The following IGDCC3 variants were observed in gnomAD, a reference collection of about 807,000 sequenced individuals.
IGDCC3 encodes putative neuronal cell adhesion molecule.
Under a neutral mutation model 72.0 loss-of-function variants are expected in IGDCC3, and 47 were observed. The observed-to-expected ratio is 0.65, with a 90% CI of 0.52 to 0.83. IGDCC3 has a LOEUF of 0.83. Ranked by LOEUF, IGDCC3 falls within the 40% of genes least tolerant of loss-of-function variation. The pLI, the probability that IGDCC3 is intolerant of heterozygous loss-of-function variation, is 0.00. For synonymous variants in IGDCC3, 477 were observed against 472.8 expected (o/e 1.01, Z -0.11); for missense variants, 1,038 against 1,091.3 (o/e 0.95, Z 0.69).
At position 65,331,037 on chromosome 15, in the gene IGDCC3, A is replaced by G. The variant is rs1261204002; in HGVS notation, c.1561+13T>C. ...GAGTGCCTGTGGTTTTGTGCTCCAC[A>G]CCCAGGCCTCACCTTCACCCAGGGT... On this transcript the variant is annotated intron_variant, in intron 9 of 13. Transcript: ENST00000327987. The G allele has an allele frequency of 2.5e-6, 4 of 1,611,922 alleles. No individual in the cohort carries two copies. The South Asian group carries it at 4.4e-5, about 18-fold the overall frequency.
chr15:65,332,257 GC>G (rs142018689), intron 6 of IGDCC3, 151 bp from the exon 7 acceptor site: 1 of 920,480 alleles, frequency 1.1e-6, no homozygotes, highest in Non-Finnish European at 1.6e-6. Flanking sequence ...TCCAGGTGGG[GC>G]CCAGCCTCTA....
In IGDCC3 at chr15:65,330,412, G is replaced by A. The variant is rs1330799466; in HGVS notation, c.1754-15C>T. ...TGCAGTGGGGTCTGGAGGAAGGCAGGGCGGATGAGCAACTGCCCCTGCCCA... is the reference window on the plus strand; with the variant it reads ...TGCAGTGGGGTCTGGAGGAAGGCAGAGCGGATGAGCAACTGCCCCTGCCCA... On this transcript the variant is annotated splice_polypyrimidine_tract_variant and intron_variant, in intron 10 of 13. Transcript: ENST00000327987. 6.2e-7 allele frequency: 1 copy of A among 1,605,270 alleles called. No individual in the cohort carries two copies. The highest frequency in any genetic ancestry group is 8.5e-7 in the Non-Finnish European group (1 of 1,173,064).
chr15:65,355,841 C>A, intron 2 of IGDCC3: 1 of 415,792 alleles, frequency 2.4e-6, no homozygotes, highest in Non-Finnish European at 5.0e-6. Context: ...GCGAGCGAGG[C>A]ACCATTTCCC....
rs2090982821 is a variant in IGDCC3, at chr15:65,332,029, G to A, written c.1060C>T (p.Gln354Ter). The change falls in exon 7 of 14, where the codon CAG becomes TAG. Residue 354 changes from glutamine (Q) to a stop codon, truncating the protein, a stop_gained. Coordinates refer to ENST00000327987, the MANE Select transcript of IGDCC3 (RefSeq NM_004884.4). LOFTEE classifies it high-confidence loss of function. ...GTGACATGAGGCGGTGGCTCACCCT[G>A]GGCTTGGCAGGTGAACATGGCTGTG... ...GTTAMFTCQA[Q>*]GEPPPHVTWL... 1 of 1,614,068 alleles carries A rather than the reference G, an allele frequency of 6.2e-7. No homozygotes were observed. The highest frequency in any genetic ancestry group is 8.5e-7 in the Non-Finnish European group (1 of 1,180,034).
chr15:65,355,934 G>T (rs533732705), intron 2 of IGDCC3: 25 of 304,296 alleles, frequency 8.2e-5, no homozygotes, highest in Non-Finnish European at 1.6e-4. Context: ...AACTGAGGAA[G>T]CGGTGCCTGT....
At position 65,329,769 on chromosome 15, in the gene IGDCC3, T is replaced by C. The variant is rs758330899; in HGVS notation, c.1954A>G (p.Ile652Val). The C allele has an allele frequency of 5.6e-6, 9 of 1,614,174 alleles. No individual in the cohort carries two copies. The highest frequency in any genetic ancestry group is 2.2e-5 in the East Asian group (1 of 44,882). ...AGGAGGAAGAGGACACAGAAGATGA[T>C]GCAAGTGACCCCGATGTGGATGCCG... ...VIGIHIGVTC[I>V]IFCVLFLLFG... Residue 652 changes from isoleucine (I) to valine (V), a missense_variant, in exon 12 of 14, where the codon ATC (isoleucine) becomes GTC (valine). Transcript: ENST00000327987. The surrounding 1 kb of genome is among the most constrained non-coding windows in gnomAD (Gnocchi z 4.1).
In IGDCC3 at chr15:65,327,609, TTAAC is replaced by T. The variant is rs1321698098; in HGVS notation, c.*1296_*1299del. On this transcript the variant is annotated 3_prime_UTR_variant, in exon 14 of 14. Transcript: ENST00000327987. Reference sequence around the variant, plus strand: ...TTCCTTGGTTTTCTTTTCTTCTTCTTTAACTAAGTAGTTCAAAGAACAACACAAC... The same window carrying T: ...TTCCTTGGTTTTCTTTTCTTCTTCTTTAAGTAGTTCAAAGAACAACACAAC... 6 of 152,656 alleles carry T rather than the reference TTAAC, an allele frequency of 3.9e-5. No individual in the cohort carries two copies. The East Asian group carries it at 7.7e-4, about 20-fold the overall frequency. 9.5% of individuals were successfully genotyped at this position (152,656 alleles called of 1,614,324 possible). A position where few individuals can be genotyped will look rare whatever the true frequency, so the allele number is the denominator to read the frequency against.
At position 65,377,908 on chromosome 15, in the gene IGDCC3, C is replaced by A; in HGVS notation, c.-120G>T. On this transcript the variant is annotated 5_prime_UTR_variant, in exon 1 of 14. Coordinates refer to ENST00000327987, the MANE Select transcript of IGDCC3 (RefSeq NM_004884.4). The surrounding 1 kb of genome is among the most constrained non-coding windows in gnomAD (Gnocchi z 4.9). ...GGCTCCGGCCGGGGCCGAGCCCAGG[C>A]GGTGGGGGACTGGGGCCGCATGCCT... 5.3e-6 allele frequency: 5 copies of A among 940,602 alleles called. No homozygotes were observed. The highest frequency in any genetic ancestry group is 5.1e-6 in the Non-Finnish European group (4 of 782,604). 58.3% of individuals were successfully genotyped at this position (940,602 alleles called of 1,614,324 possible). A position where few individuals can be genotyped will look rare whatever the true frequency, so the allele number is the denominator to read the frequency against.
At chr15:65,365,666 T>C (rs1351065551) in intron 2 of IGDCC3, among the ~76,000 whole-genome samples, 1 of 132,396 alleles carries the variant, frequency 7.6e-6, no homozygotes, top group Non-Finnish European at 1.6e-5. Context: ...CTTCCCAGTC[T>C]CTCTCCTTAG....
intron 1 of IGDCC3, among the ~76,000 whole-genome samples, chr15:65,376,026 G>A (rs928559423): frequency 2.0e-5 from 3 of 152,210 alleles, no homozygotes; most frequent in Non-Finnish European, 4.4e-5. Context: ...TCAGATGCCT[G>A]GTCCAATGCC....
chr15:65,336,678 C>T (rs2091031901), intron 2 of IGDCC3, among the ~76,000 whole-genome samples: 1 of 152,120 alleles, frequency 6.6e-6, no homozygotes, highest in Admixed American at 6.5e-5. Context: ...AGGGACCCCT[C>T]CCCACCTTTT....
At position 65,335,973 on chromosome 15, in the gene IGDCC3, G is replaced by A; in HGVS notation, c.410-17C>T. 1 of 1,613,888 alleles carries A rather than the reference G, an allele frequency of 6.2e-7. No individual in the cohort carries two copies. The highest frequency in any genetic ancestry group is 8.5e-7 in the Non-Finnish European group (1 of 1,179,830). On this transcript the variant is annotated splice_polypyrimidine_tract_variant and intron_variant, in intron 2 of 13. Coordinates refer to ENST00000327987, the MANE Select transcript of IGDCC3 (RefSeq NM_004884.4). ...CCGACATGGCTGGGGGAAGAGAAGT[G>A]TATGAGTGCAGTGCGCTGCTGAGGG... is the stretch of plus-strand genomic sequence containing the variant.
intron 2 of IGDCC3, among the ~76,000 whole-genome samples, chr15:65,366,291 A>C (rs1490908212): frequency 6.6e-6 from 1 of 150,982 alleles, no homozygotes; most frequent in Non-Finnish European, 1.5e-5. Context: ...AGGTTGGAGG[A>C]TCTCTTGAGC....
chr15:65,335,247 A>C (rs2141036291), intron 4 of IGDCC3, 44 bp downstream of exon 4: 1 of 1,571,450 alleles, frequency 6.4e-7, no homozygotes, highest in Non-Finnish European at 8.6e-7. Flanking sequence ...GAGGAGGAGG[A>C]GGCCAGGTGG....
rs2091056415 is a variant in IGDCC3 at position 65,339,077 on chromosome 15, ATTTCT to A, written c.410-3126_410-3122del. Among the ~76,000 whole-genome samples, 1 of 151,650 alleles carries A rather than the reference ATTTCT, an allele frequency of 6.6e-6. No individual in the cohort carries two copies. The highest frequency in any genetic ancestry group is 1.5e-5 in the Non-Finnish European group (1 of 67,920). On this transcript the variant is annotated intron_variant, in intron 2 of 13. Transcript: ENST00000327987. The surrounding 1 kb of genome is among the most constrained non-coding windows in gnomAD (Gnocchi z 4.1). ...ACCACCACGCCCAGCTAATTTTTTA[ATTTCT>A]TTTTTCTTTTTCTTTTTGAGACGGA... is the stretch of plus-strand genomic sequence containing the variant.
chr15:65,335,022 C>T (rs890243229), intron 4 of IGDCC3, among the ~76,000 whole-genome samples, 157 bp from the exon 5 acceptor site: 1 of 152,220 alleles, frequency 6.6e-6, no homozygotes, highest in Non-Finnish European at 1.5e-5. Flanking sequence ...ACGTTCCAGA[C>T]ATCCGTCCCT....
chr15:65,360,759 A>T (rs2091255009), intron 2 of IGDCC3, among the ~76,000 whole-genome samples: 1 of 152,082 alleles, frequency 6.6e-6, no homozygotes, highest in African/African-American at 2.4e-5. Flanking sequence ...TGCTGGAAAG[A>T]GCATCTGGGC....
Position 65,375,471 on chromosome 15 carries a change from C to G in IGDCC3, c.104-69G>C, listed in dbSNP as rs1053535740. On this transcript the variant is annotated intron_variant, in intron 1 of 13. Transcript: ENST00000327987. ...ATGAAATGAACATCCAGGAAGAACT[C>G]CACCCACATGGTTCCAAGTTCCTTG... The G allele has an allele frequency of 4.6e-6, 6 of 1,318,042 alleles. No homozygotes were observed. In the African/African-American group the frequency reaches 8.8e-5, roughly 19 times the overall value. The allele number at this position is 1,318,042 out of a possible 1,614,324, so 81.6% of individuals were successfully genotyped here.
chr15:65,347,751 C>T (rs1424885722), intron 2 of IGDCC3, among the ~76,000 whole-genome samples: 6 of 151,992 alleles, frequency 3.9e-5, no homozygotes, highest in African/African-American at 7.3e-5. Context: ...ACCAACATGG[C>T]GAAACCCTGT....
Sources: allele counts gnomAD v4.1 joint callset (sites outside exome capture counted in the v4.1 genomes callset), GRCh38; gene constraint gnomAD v4.1.1; non-coding constraint Gnocchi (gnomAD v3.1); transcripts MANE v1.5; gene names NCBI Gene and HGNC (gene_info 2026-07-23, HGNC 2026-07-21).